SCIN: variants seen among roughly 807,000 people sequenced by gnomAD.
SCIN encodes the protein scinderin.
Under a neutral mutation model 91.8 loss-of-function variants are expected in SCIN, and 91 were observed. The observed-to-expected ratio is 0.99, with a 90% CI of 0.84 to 1.18. The LOEUF is 1.18. SCIN is among the 50% of genes most tolerant of loss of function. The probability of loss-of-function intolerance (pLI) is 0.00; values close to 1 mark genes in which losing one functional copy is unlikely to be tolerated. For missense variants in SCIN, 1,087 were observed against 863.9 expected, an observed-to-expected ratio of 1.26 and a Z score of -3.24; for synonymous variants, 367 against 312.6, an observed-to-expected ratio of 1.17 and a Z score of -1.84.
intron 3 of SCIN, chr7:12,596,516 A>G (rs111695402): frequency 9.3e-5 from 42 of 451,396 alleles, no homozygotes; most frequent in African/African-American, 6.6e-4. Flanking sequence ...TGAACCATCA[A>G]CTGACATTCC....
At chr7:12,602,183 A>G (rs10274664) in intron 3 of SCIN, among the ~76,000 whole-genome samples, 1,881 of 152,316 alleles carry the variant, frequency 0.012, 37 homozygotes, top group African/African-American at 0.042. Context: ...GTGACATCAC[A>G]TATTGGTAGG....
rs115908262 is a variant in SCIN, at chr7:12,590,533, C to T, written c.516+9312C>T. ...TCTTTGGTCTGCTCTTAGGGGAGGA[C>T]GAGCTTTTGATTTTTGACTATCCAG... is the stretch of plus-strand genomic sequence containing the variant. On this transcript the variant is annotated intron_variant, in intron 3 of 15. Coordinates refer to ENST00000297029, the MANE Select transcript of SCIN (RefSeq NM_001112706.3). 3.4e-3 allele frequency among the ~76,000 whole-genome samples: 508 copies of T among 151,234 alleles called. 1 individual carries two copies. Among genetic ancestry groups the T allele is most frequent in the African/African-American group, 0.011 (470 of 41,222 alleles).
At chr7:12,638,260 A>G (rs757781211) in intron 10 of SCIN, among the ~76,000 whole-genome samples, 4 of 151,884 alleles carry the variant, frequency 2.6e-5, no homozygotes, top group Non-Finnish European at 4.4e-5. Context: ...CCTTTTTCCT[A>G]CAGCTAGCTG....
At chr7:12,626,312 T>C (rs558766214) in intron 7 of SCIN, 1 of 419,664 alleles carries the variant, frequency 2.4e-6, no homozygotes, top group African/African-American at 2.0e-5. Flanking sequence ...GATCATTTCT[T>C]CCAGGTCACA....
intron 7 of SCIN, chr7:12,626,114 G>C: frequency 2.5e-6 from 1 of 403,504 alleles, no homozygotes; most frequent in Non-Finnish European, 4.4e-6. Flanking sequence ...ACCACAGTAG[G>C]TTTAGCTAAG....
chr7:12,595,599 G>A (rs536455360), intron 3 of SCIN: 1 of 151,296 alleles, frequency 6.6e-6, no homozygotes, highest in South Asian at 2.1e-4. Flanking sequence ...GGGGAGAGGA[G>A]CAGGCACTAG....
intron 10 of SCIN, 34 bp downstream of exon 10, chr7:12,636,169 G>C (rs933255159): frequency 5.9e-6 from 9 of 1,533,688 alleles, no homozygotes; most frequent in Non-Finnish European, 8.1e-6. Context: ...ACTCACACAA[G>C]TTAAAGTCTT....
At chr7:12,639,107 C>T (rs17166252) in intron 10 of SCIN, among the ~76,000 whole-genome samples, 7,342 of 152,208 alleles carry the variant, frequency 0.048, 323 homozygotes, top group East Asian at 0.11. Flanking sequence ...TTCAACGCTC[C>T]TTTGTAGAAT....
At chr7:12,617,860 C>G (rs919178048) in intron 4 of SCIN, among the ~76,000 whole-genome samples, 1 of 152,116 alleles carries the variant, frequency 6.6e-6, no homozygotes, top group Non-Finnish European at 1.5e-5. Flanking sequence ...CCAGATGGTT[C>G]TAATATGCAG....
chr7:12,586,166 C>T (rs914322140), intron 3 of SCIN, among the ~76,000 whole-genome samples: 23 of 152,310 alleles, frequency 1.5e-4, no homozygotes, highest in African/African-American at 5.3e-4. Flanking sequence ...TATATCTATC[C>T]AGCATAAAGT....
At chr7:12,614,845 C>G (rs1263928729) in intron 4 of SCIN, among the ~76,000 whole-genome samples, 1 of 152,144 alleles carries the variant, frequency 6.6e-6, no homozygotes, top group African/African-American at 2.4e-5. Context: ...GCTCCATGGC[C>G]AAATAATGCC....
chr7:12,585,633 C>T (rs1782571954), intron 3 of SCIN, among the ~76,000 whole-genome samples: 1 of 152,194 alleles, frequency 6.6e-6, no homozygotes, highest in African/African-American at 2.4e-5. Flanking sequence ...AGCCACCACT[C>T]ACTCAGGATT....
rs1783913119 is a variant in SCIN at position 12,644,257 on chromosome 7, G to T, written c.1701G>T (p.Glu567Asp). The T allele has an allele frequency of 3.7e-6, 6 of 1,603,988 alleles. No individual in the cohort carries two copies. Among genetic ancestry groups the T allele is most frequent in the Non-Finnish European group, 5.1e-6 (6 of 1,174,898 alleles). The part of the protein sequence containing the change: ...GASQEEEKGA[E>D]YVASVLKCKT... ...GCCAGGAGGAGGAGAAAGGAGCAGA[G>T]TATGTAGCAAGTGTCCTAAAGTGCA... The change falls in exon 12 of 16, where the codon GAG becomes GAT. Residue 567 changes from glutamate to aspartate, a missense_variant. Glu to Asp is a conservative substitution (Grantham distance 45, BLOSUM62 2). Transcript: ENST00000297029.
Position 12,625,783 on chromosome 7 carries a change from A to T in SCIN, c.914A>T (p.Glu305Val). The T allele has an allele frequency of 6.2e-7, 1 of 1,611,946 alleles. No homozygotes were observed. Among genetic ancestry groups the T allele is most frequent in the East Asian group, 2.2e-5 (1 of 44,798 alleles). ...VWKGKDANPQ[E>V]RKAAMKTAEE... ...TTAGGTAAAGATGCTAATCCCCAAG[A>T]GAGGAAGGCTGCAATGAAGACAGCT... is the stretch of plus-strand genomic sequence containing the variant. The change falls in exon 7 of 16, where the codon GAG becomes GTG. Residue 305 changes from glutamate to valine, a missense_variant. Coordinates refer to ENST00000297029, the MANE Select transcript of SCIN (RefSeq NM_001112706.3).
chr7:12,625,949 T>G, intron 7 of SCIN, 99 bp downstream of exon 7: 4 of 747,292 alleles, frequency 5.4e-6, no homozygotes, highest in Non-Finnish European at 8.8e-6. Context: ...AAGTAACGTC[T>G]GTATGTGAAG....
intron 1 of SCIN, chr7:12,571,249 G>A: frequency 3.9e-6 from 2 of 510,200 alleles, no homozygotes; most frequent in Non-Finnish European, 7.0e-6. Context: ...CTGGACTTTG[G>A]AGCTGGTGAC....
intron 13 of SCIN, among the ~76,000 whole-genome samples, chr7:12,645,407 C>T (rs1333616708): frequency 6.6e-6 from 1 of 152,112 alleles, no homozygotes; most frequent in African/African-American, 2.4e-5. Flanking sequence ...GCTCTGACAC[C>T]TTCAGACATG....
chr7:12,630,578 C>G (rs999474663), intron 9 of SCIN, among the ~76,000 whole-genome samples: 7 of 152,240 alleles, frequency 4.6e-5, no homozygotes, highest in African/African-American at 1.2e-4. Context: ...ACAGTCAATC[C>G]ATATGCTGTC....
At chr7:12,634,774 G>A (rs2115285239) in intron 9 of SCIN, among the ~76,000 whole-genome samples, 1 of 152,262 alleles carries the variant, frequency 6.6e-6, no homozygotes, top group East Asian at 1.9e-4. Flanking sequence ...AGGTTAAGGT[G>A]ACACAGAGTT....
Sources: allele counts gnomAD v4.1 joint callset (sites outside exome capture counted in the v4.1 genomes callset), GRCh38; gene constraint gnomAD v4.1.1; transcripts MANE v1.5; gene names NCBI Gene and HGNC (gene_info 2026-07-23, HGNC 2026-07-21).